FBXO10: variants seen among roughly 807,000 people sequenced by gnomAD.
FBXO10 encodes F-box protein 10.
In FBXO10, 39 loss-of-function variants were observed where a neutral mutation model predicts 80.7. The observed-to-expected ratio is 0.48, with a 90% CI of 0.37 to 0.63. FBXO10 has a LOEUF of 0.63. FBXO10 is among the 30% of genes least tolerant of loss of function. The pLI, the probability that FBXO10 is intolerant of heterozygous loss-of-function variation, is 0.00. For synonymous variants in FBXO10, 449 were observed against 489.6 expected, an observed-to-expected ratio of 0.92 and a Z score of 1.09; for missense variants, 1,025 against 1,269.0, an observed-to-expected ratio of 0.81 and a Z score of 2.92.
intron 1 of FBXO10, among the ~76,000 whole-genome samples, chr9:37,556,329 T>A (rs569672140): frequency 1.3e-5 from 2 of 152,184 alleles, no homozygotes; most frequent in Non-Finnish European, 2.9e-5. Flanking sequence ...TTCTAAAAGT[T>A]TTATAGTTTA....
chr9:37,527,184 T>C (rs1008765309), intron 5 of FBXO10, among the ~76,000 whole-genome samples: 1 of 152,182 alleles, frequency 6.6e-6, no homozygotes. Flanking sequence ...TGCTTCCTTC[T>C]CATAAGGGCC....
rs143315085 is a variant in FBXO10 at position 37,525,909 on chromosome 9, G to A, written c.1707-737C>T. 2.9e-3 allele frequency among the ~76,000 whole-genome samples: 446 copies of A among 152,094 alleles called. 1 individual carries two copies. Among genetic ancestry groups the A allele is most frequent in the African/African-American group, 9.3e-3 (384 of 41,448 alleles). On this transcript the variant is annotated intron_variant, in intron 5 of 10. Coordinates refer to ENST00000432825, the MANE Select transcript of FBXO10 (RefSeq NM_012166.3). ...TTTACAATTTTTTTGTTTAAGACAT[G>A]GGTTCTCGCTATGTTGCTCAGGCTA...
At chr9:37,561,433 C>T (rs553735335) in intron 1 of FBXO10, among the ~76,000 whole-genome samples, 1 of 152,176 alleles carries the variant, frequency 6.6e-6, no homozygotes, top group African/African-American at 2.4e-5. Context: ...TATCCACATG[C>T]CTCTGGGCCA....
At chr9:37,543,012 G>C (rs1821965074) in intron 1 of FBXO10, among the ~76,000 whole-genome samples, 1 of 152,166 alleles carries the variant, frequency 6.6e-6, no homozygotes, top group Non-Finnish European at 1.5e-5. Flanking sequence ...GGCAGTGACT[G>C]TCCATCTGTC....
intron 5 of FBXO10, among the ~76,000 whole-genome samples, chr9:37,527,553 A>C (rs900556828): frequency 4.6e-5 from 7 of 152,062 alleles, no homozygotes; most frequent in Non-Finnish European, 1.0e-4. Context: ...GCACAACTCA[A>C]ATGTCAGCTC....
chr9:37,557,649 G>A (rs980064446), intron 1 of FBXO10, among the ~76,000 whole-genome samples: 3 of 152,128 alleles, frequency 2.0e-5, no homozygotes, highest in Non-Finnish European at 4.4e-5. Context: ...GGCCTTGACC[G>A]TTCACAAAGT....
intron 1 of FBXO10, among the ~76,000 whole-genome samples, chr9:37,548,802 G>A (rs1346323331): frequency 2.6e-5 from 4 of 151,974 alleles, no homozygotes; most frequent in Non-Finnish European, 5.9e-5. Flanking sequence ...AGGCTGAAGT[G>A]CAGTGGCGCC....
chr9:37,544,219 A>C (rs1300467204), intron 1 of FBXO10, among the ~76,000 whole-genome samples: 1 of 152,214 alleles, frequency 6.6e-6, no homozygotes, highest in Non-Finnish European at 1.5e-5. Flanking sequence ...CAGTGAGCCG[A>C]GATCGTGCCA....
rs955172665 is a variant in FBXO10 at position 37,530,993 on chromosome 9, G to A, written c.1569+916C>T. ...AGATATGATGGGTTCAGCATTACCC[G>A]TGAGTCAGACTGCCTGGATTCAAAT... On this transcript the variant is annotated intron_variant, in intron 4 of 10. Transcript: ENST00000432825. Among the ~76,000 whole-genome samples, 11 of 152,132 alleles carry A rather than the reference G, an allele frequency of 7.2e-5. No homozygotes were observed. The South Asian group carries it at 8.3e-4, about 11-fold the overall frequency.
intron 9 of FBXO10, among the ~76,000 whole-genome samples, chr9:37,516,504 G>A (rs921456816): frequency 6.6e-6 from 1 of 152,158 alleles, no homozygotes; most frequent in Admixed American, 6.5e-5. Flanking sequence ...ACTAACCCAC[G>A]AAGCTGCAGA....
At chr9:37,513,699 C>T (rs1821116734) in intron 10 of FBXO10, among the ~76,000 whole-genome samples, 1 of 152,104 alleles carries the variant, frequency 6.6e-6, no homozygotes, top group Non-Finnish European at 1.5e-5. Context: ...GAGTGATCCT[C>T]CTGGCTCAGC....
chr9:37,516,503 C>G (rs10124667), intron 9 of FBXO10, among the ~76,000 whole-genome samples: 1 of 152,126 alleles, frequency 6.6e-6, no homozygotes, highest in Non-Finnish European at 1.5e-5. Context: ...CACTAACCCA[C>G]GAAGCTGCAG....
intron 1 of FBXO10, among the ~76,000 whole-genome samples, chr9:37,560,444 C>A (rs1319254015): frequency 6.6e-6 from 1 of 151,972 alleles, no homozygotes; most frequent in Non-Finnish European, 1.5e-5. Context: ...CATTTGTTTT[C>A]CCCCAAACTT....
intron 1 of FBXO10, among the ~76,000 whole-genome samples, chr9:37,572,947 A>G (rs1822795313): frequency 6.6e-6 from 1 of 152,246 alleles, no homozygotes; most frequent in Non-Finnish European, 1.5e-5. Context: ...TGCCTGCAAA[A>G]TCCCTAACAG....
chr9:37,528,166 G>A (rs1821520061), intron 5 of FBXO10, among the ~76,000 whole-genome samples: 1 of 152,166 alleles, frequency 6.6e-6, no homozygotes, highest in South Asian at 2.1e-4. Context: ...TCCCCGCTGT[G>A]TAGACAGAAT....
intron 1 of FBXO10, among the ~76,000 whole-genome samples, chr9:37,549,237 C>T (rs1018651066): frequency 4.6e-5 from 7 of 152,150 alleles, no homozygotes; most frequent in African/African-American, 1.4e-4. Flanking sequence ...GAGGACCTTT[C>T]CTTATCCTCT....
intron 2 of FBXO10, among the ~76,000 whole-genome samples, chr9:37,540,922 T>C (rs10122829): frequency 0.034 from 5,216 of 152,182 alleles, 299 homozygotes; most frequent in African/African-American, 0.12. Flanking sequence ...GTTGGTCCAG[T>C]TGGAAAGGGA....
intron 1 of FBXO10, among the ~76,000 whole-genome samples, chr9:37,549,167 C>T (rs1822128738): frequency 6.6e-6 from 1 of 152,160 alleles, no homozygotes; most frequent in Non-Finnish European, 1.5e-5. Context: ...GTCTTTTTCT[C>T]TAGCCTCATC....
chr9:37,574,481 C>G (rs1452668128), intron 1 of FBXO10, among the ~76,000 whole-genome samples: 2 of 152,168 alleles, frequency 1.3e-5, no homozygotes, highest in Non-Finnish European at 2.9e-5. Flanking sequence ...TCTCAGAAAT[C>G]TAAAAACAAT....
Sources: gnomAD v4.1 joint callset for allele counts (sites outside exome capture counted in the v4.1 genomes callset) on GRCh38, gnomAD v4.1.1 for gene constraint, MANE v1.5 for transcripts, NCBI Gene and HGNC (gene_info 2026-07-23, HGNC 2026-07-21) for gene names.